Variants in GTF2E1 observed in about 807,000 individuals in gnomAD.
GTF2E1 encodes the protein general transcription factor IIE subunit 1.
Under a neutral mutation model 34.9 loss-of-function variants are expected in GTF2E1, and 14 were observed. The ratio of observed to expected loss-of-function variants is 0.40; its 90% confidence interval spans 0.27 to 0.63. The LOEUF is 0.63. Ranked by LOEUF, GTF2E1 falls within the 20% of genes least tolerant of loss-of-function variation. The pLI, the probability that GTF2E1 is intolerant of heterozygous loss-of-function variation, is 0.39. For missense variants in GTF2E1, 469 were observed against 557.7 expected (o/e 0.84, Z 1.60); for synonymous variants, 188 against 192.9 (o/e 0.97, Z 0.21).
intron 2 of GTF2E1, among the ~76,000 whole-genome samples, chr3:120,757,744 G>A (rs1346378984): frequency 1.3e-5 from 2 of 152,172 alleles, no homozygotes; most frequent in African/African-American, 4.8e-5. Flanking sequence ...TGCAACAAAG[G>A]ACTTGATAAT....
Position 120,774,420 on chromosome 3 carries a change from C to T in GTF2E1, c.651-2003C>T, listed in dbSNP as rs559530087. ...GAAAAGTTCGAAAAGCCAACCTATA[C>T]AAAGTAAGCAGCATCATATTACAGT... On this transcript the variant is annotated intron_variant, in intron 3 of 4. Coordinates refer to ENST00000283875, the MANE Select transcript of GTF2E1 (RefSeq NM_005513.3). Among the ~76,000 whole-genome samples, 7 of 152,178 alleles carry T rather than the reference C, an allele frequency of 4.6e-5. No homozygotes were observed. The South Asian group carries it at 1.5e-3, about 32-fold the overall frequency.
In GTF2E1 at chr3:120,750,620, G is replaced by A. The variant is rs201779469; in HGVS notation, c.68G>A (p.Arg23Gln). 5.6e-6 allele frequency: 9 copies of A among 1,613,946 alleles called. No individual in the cohort carries two copies. Among genetic ancestry groups the A allele is most frequent in the East Asian group, 4.5e-5 (2 of 44,884 alleles). Residue 23 changes from arginine to glutamine, a missense_variant, in exon 2 of 5, where the codon CGG becomes CAG. Arg to Gln is a conservative substitution (Grantham distance 43). Coordinates refer to ENST00000283875, the MANE Select transcript of GTF2E1 (RefSeq NM_005513.3). ...ALKRLAKYVIRGFYGIEHALA... is the reference protein window; with the variant it reads ...ALKRLAKYVIQGFYGIEHALA... ...AAGCGGTTAGCCAAGTATGTGATCC[G>A]GGGATTTTATGGCATTGAGCATGCC...
intron 4 of GTF2E1, 24 bp downstream of exon 4, chr3:120,776,688 G>T: frequency 6.2e-7 from 1 of 1,602,256 alleles, no homozygotes; most frequent in South Asian, 1.1e-5. Flanking sequence ...TCAGTAAAAT[G>T]GATGTGTCTT....
chr3:120,759,820 C>T (rs1055742457), intron 2 of GTF2E1, among the ~76,000 whole-genome samples: 13 of 152,174 alleles, frequency 8.5e-5, no homozygotes, highest in African/African-American at 2.7e-4. Context: ...GTAGCAGTAA[C>T]GTGCTGTTTT....
intron 4 of GTF2E1, among the ~76,000 whole-genome samples, chr3:120,776,908 C>A (rs1387798181): frequency 6.6e-6 from 1 of 152,152 alleles, no homozygotes; most frequent in Non-Finnish European, 1.5e-5. Context: ...AAATTGTCAT[C>A]TTTTTATCTT....
At chr3:120,770,499 G>A (rs1576361825) in intron 2 of GTF2E1, among the ~76,000 whole-genome samples, 1 of 152,130 alleles carries the variant, frequency 6.6e-6, no homozygotes, top group African/African-American at 2.4e-5. Flanking sequence ...TGAAGTTAGG[G>A]ATGAAATTAC....
At chr3:120,771,089 T>A (rs1225755770) in intron 3 of GTF2E1, among the ~76,000 whole-genome samples, 160 bp downstream of exon 3, 1 of 152,204 alleles carries the variant, frequency 6.6e-6, no homozygotes, top group Non-Finnish European at 1.5e-5. Context: ...GATTAACGTG[T>A]GCCTGTGATG....
Position 120,776,576 on chromosome 3 carries a change from A to C in GTF2E1, c.804A>C (p.Ser268=), listed in dbSNP as rs111488033. 2 of 1,613,748 alleles carry C rather than the reference A, an allele frequency of 1.2e-6. No individual in the cohort carries two copies. Among genetic ancestry groups the C allele is most frequent in the African/African-American group, 2.7e-5 (2 of 74,900 alleles). Residue 268 remains serine (S), a synonymous_variant, in exon 4 of 5, where the codon TCA becomes TCC. Coordinates refer to ENST00000283875, the MANE Select transcript of GTF2E1 (RefSeq NM_005513.3). ...ACCAAGAAGATCTTCATCGAGCCTC[A>C]CTGGAAGGGAAATCTGCCAAAGAGA... The part of the protein sequence containing the change: ...MDDQEDLHRA[S]LEGKSAKERP...
chr3:120,763,775 C>T (rs920162170), intron 2 of GTF2E1, among the ~76,000 whole-genome samples: 45 of 152,256 alleles, frequency 3.0e-4, no homozygotes, highest in South Asian at 2.1e-4. Context: ...CTTGCTTTCA[C>T]TCTTGGTTCC....
rs115126115 is a variant in GTF2E1, at chr3:120,776,656, T to A, written c.884T>A (p.Met295Lys). ...TVQGAYGSED[M>K]KEGGIDMDAF... is the part of the protein sequence containing the mutation. Reference sequence around the variant, plus strand: ...CAAGGGGCATATGGTTCTGAAGATATGAAAGAAGGTAAGAGTAGAAGTCAG... The same window carrying A: ...CAAGGGGCATATGGTTCTGAAGATAAGAAAGAAGGTAAGAGTAGAAGTCAG... The change falls in exon 4 of 5, where the codon ATG becomes AAG. Residue 295 changes from methionine (M) to lysine (K), a missense_variant. Coordinates refer to ENST00000283875, the MANE Select transcript of GTF2E1 (RefSeq NM_005513.3). 1 of 1,612,848 alleles carries A rather than the reference T, an allele frequency of 6.2e-7. No individual in the cohort carries two copies. The highest frequency in any genetic ancestry group is 8.5e-7 in the Non-Finnish European group (1 of 1,179,594).
In GTF2E1 at chr3:120,771,231, A is replaced by G. The variant is rs1709347994; in HGVS notation, c.650+302A>G. On this transcript the variant is annotated intron_variant, in intron 3 of 4. Transcript: ENST00000283875. Reference sequence around the variant, plus strand: ...GCCAATTGTTAGCTAATCCTAAATTAGTTGTGCCGCTTGGGGATATTTGAA... The same window carrying G: ...GCCAATTGTTAGCTAATCCTAAATTGGTTGTGCCGCTTGGGGATATTTGAA... Among the ~76,000 whole-genome samples, 3 of 152,140 alleles carry G rather than the reference A, an allele frequency of 2.0e-5. No homozygotes were observed. In the South Asian group the frequency reaches 6.2e-4, roughly 31 times the overall value.
chr3:120,758,719 G>T (rs1709231834), intron 2 of GTF2E1, among the ~76,000 whole-genome samples: 1 of 152,086 alleles, frequency 6.6e-6, no homozygotes, highest in African/African-American at 2.4e-5. Context: ...ATGGTTTCCA[G>T]CTTCATCCAT....
At chr3:120,769,314 G>A (rs994680950) in intron 2 of GTF2E1, among the ~76,000 whole-genome samples, 17 of 151,992 alleles carry the variant, frequency 1.1e-4, no homozygotes, top group Admixed American at 2.6e-4. Flanking sequence ...TATCAGGTAC[G>A]CACCTGTAGT....
At chr3:120,743,122 GT>G (rs1709071385) in intron 1 of GTF2E1, 1 of 155,998 alleles carries the variant, frequency 6.4e-6, no homozygotes, top group Admixed American at 6.2e-5. Context: ...TTTCGCGGTA[GT>G]TTGCCGCTGT....
At position 120,781,637 on chromosome 3, in the gene GTF2E1, C is replaced by G; in HGVS notation, c.*167C>G. 1.6e-6 allele frequency: 1 copy of G among 607,460 alleles called. No individual in the cohort carries two copies. Among genetic ancestry groups the G allele is most frequent in the Non-Finnish European group, 2.9e-6 (1 of 342,968 alleles). 37.6% of individuals were successfully genotyped at this position (607,460 alleles called of 1,614,324 possible). On this transcript the variant is annotated 3_prime_UTR_variant, in exon 5 of 5. Coordinates refer to ENST00000283875, the MANE Select transcript of GTF2E1 (RefSeq NM_005513.3). ...GTTTGACTTTTATGCCAGAAACTTTCCCAGCAAGGTAGGGTGCTGAGAATC... is the reference window on the plus strand; with the variant it reads ...GTTTGACTTTTATGCCAGAAACTTTGCCAGCAAGGTAGGGTGCTGAGAATC...
chr3:120,781,285 G>A lies in GTF2E1; in HGVS notation c.1135G>A (p.Glu379Lys). 1.2e-6 allele frequency: 2 copies of A among 1,614,172 alleles called. No homozygotes were observed. Among genetic ancestry groups the A allele is most frequent in the Non-Finnish European group, 1.7e-6 (2 of 1,180,016 alleles). The change falls in exon 5 of 5, where the codon GAG becomes AAG. Residue 379 changes from glutamate (E) to lysine (K), a missense_variant. Coordinates refer to ENST00000283875, the MANE Select transcript of GTF2E1 (RefSeq NM_005513.3). ...AGCTGTGGCTGTGCATAAACGAGAAGAGGATGAAGAGGAAGATGACGAGTT... is the reference window on the plus strand; with the variant it reads ...AGCTGTGGCTGTGCATAAACGAGAAAAGGATGAAGAGGAAGATGACGAGTT... Reference protein sequence around the residue: ...PAAVAVHKREEDEEEDDEFEE... With the variant: ...PAAVAVHKREKDEEEDDEFEE...
chr3:120,750,086 A>G (rs1414405661), intron 1 of GTF2E1: 1 of 157,990 alleles, frequency 6.3e-6, no homozygotes, highest in East Asian at 1.9e-4. Context: ...AAGCATGACT[A>G]TGTAAAACAT....
At chr3:120,759,795 T>C (rs1219232624) in intron 2 of GTF2E1, among the ~76,000 whole-genome samples, 1 of 152,240 alleles carries the variant, frequency 6.6e-6, no homozygotes, top group Admixed American at 6.5e-5. Flanking sequence ...TCCATTGGTC[T>C]GTATATCTGC....
chr3:120,762,025 C>T (rs545747651), intron 2 of GTF2E1, among the ~76,000 whole-genome samples: 2 of 152,150 alleles, frequency 1.3e-5, no homozygotes, highest in South Asian at 2.1e-4. Context: ...CTCCTGACCT[C>T]GTGATCCACC....
Sources: gnomAD v4.1 joint callset for allele counts (sites outside exome capture counted in the v4.1 genomes callset) on GRCh38, gnomAD v4.1.1 for gene constraint, MANE v1.5 for transcripts, NCBI Gene and HGNC (gene_info 2026-07-23, HGNC 2026-07-21) for gene names.